GSK3B: variants seen among roughly 807,000 people sequenced by gnomAD.
The protein encoded by GSK3B is glycogen synthase kinase 3 beta.
Under a neutral mutation model 56.4 loss-of-function variants are expected in GSK3B, and 15 were observed. That is an observed-to-expected ratio of 0.27 (90% CI 0.18 to 0.41). GSK3B has a LOEUF of 0.41. Ranked by LOEUF, GSK3B falls within the 10% of genes least tolerant of loss-of-function variation. GSK3B has a pLI of 1.00. For missense variants in GSK3B, 300 were observed against 513.4 expected (o/e 0.58, Z 4.02); for synonymous variants, 181 against 188.9 (o/e 0.96, Z 0.34).
chr3:119,862,291 G>A (rs1359171134), intron 9 of GSK3B, among the ~76,000 whole-genome samples: 2 of 130,288 alleles, frequency 1.5e-5, no homozygotes, highest in African/African-American at 5.8e-5. Flanking sequence ...ACCAAACACC[G>A]CATATTCTCA....
At chr3:120,057,989 A>G (rs1178689878) in intron 1 of GSK3B, among the ~76,000 whole-genome samples, 2 of 151,984 alleles carry the variant, frequency 1.3e-5, no homozygotes, top group African/African-American at 2.4e-5. Context: ...TATCCCAGCT[A>G]TATTTTCTTC....
chr3:119,945,108 G>A (rs1478470074), intron 3 of GSK3B, among the ~76,000 whole-genome samples: 2 of 152,056 alleles, frequency 1.3e-5, no homozygotes, highest in African/African-American at 4.8e-5. Context: ...TCATGAATGG[G>A]GCAAAAAGAA....
intron 3 of GSK3B, among the ~76,000 whole-genome samples, chr3:119,945,350 A>G (rs925826876): frequency 5.3e-5 from 8 of 152,232 alleles, no homozygotes; most frequent in South Asian, 2.1e-4. Context: ...AAGTTCTGAC[A>G]TAAAGAAAAT....
At chr3:119,907,990 C>T (rs764410743) in intron 6 of GSK3B, among the ~76,000 whole-genome samples, 12 of 152,290 alleles carry the variant, frequency 7.9e-5, no homozygotes, top group Admixed American at 4.6e-4. Context: ...ATCAGCTTTA[C>T]CTCTGGCTGT....
intron 9 of GSK3B, among the ~76,000 whole-genome samples, chr3:119,853,098 G>GT (rs1397683248): frequency 2.0e-5 from 3 of 152,150 alleles, no homozygotes; most frequent in Non-Finnish European, 4.4e-5. Context: ...ATTAATTTTT[G>GT]TATCAGGTGT....
At chr3:119,955,854 T>C (rs1213703023) in intron 2 of GSK3B, among the ~76,000 whole-genome samples, 4 of 152,124 alleles carry the variant, frequency 2.6e-5, no homozygotes, top group Non-Finnish European at 4.4e-5. Context: ...GTTTTCACCA[T>C]GTTGGCCAGG....
intron 1 of GSK3B, among the ~76,000 whole-genome samples, chr3:120,009,159 G>A (rs2057756300): frequency 6.6e-6 from 1 of 152,160 alleles, no homozygotes; most frequent in East Asian, 1.9e-4. Context: ...AGTTAGAATA[G>A]CGATCATTAA....
chr3:119,923,502 A>C lies in GSK3B; in HGVS notation c.367-19T>G. ...CATCTTTCTGAAAGAGTTTATTTAA[A>C]AAAACAAAAAACAAAACAGATTAGA... On this transcript the variant is annotated intron_variant, in intron 3 of 10. Coordinates refer to ENST00000264235, the MANE Select transcript of GSK3B (RefSeq NM_001146156.2). 1 of 1,164,244 alleles carries C rather than the reference A, an allele frequency of 8.6e-7. No individual in the cohort carries two copies. The highest frequency in any genetic ancestry group is 1.2e-6 in the Non-Finnish European group (1 of 800,792). 72.1% of individuals were successfully genotyped at this position (1,164,244 alleles called of 1,614,324 possible). A position where few individuals can be genotyped will look rare whatever the true frequency, so the allele number is the denominator to read the frequency against.
chr3:119,999,278 GA>G (rs1252971213), intron 2 of GSK3B, among the ~76,000 whole-genome samples: 1 of 152,184 alleles, frequency 6.6e-6, no homozygotes, highest in Non-Finnish European at 1.5e-5. Context: ...TACTGTGAGA[GA>G]AAGAGAGAAG....
chr3:120,024,965 A>C lies in GSK3B; in HGVS notation c.89-22726T>G, dbSNP rs146666438. Among the ~76,000 whole-genome samples, 54 of 152,344 alleles carry C rather than the reference A, an allele frequency of 3.5e-4. No individual in the cohort carries two copies. In the East Asian group the frequency reaches 0.01, roughly 28 times the overall value. On this transcript the variant is annotated intron_variant, in intron 1 of 10. Coordinates refer to ENST00000264235, the MANE Select transcript of GSK3B (RefSeq NM_001146156.2). ...CTGTTCACATGAAACGTTCAGAATA[A>C]GCAAATCTATAGAAAGAAGATAGAC... is the stretch of plus-strand genomic sequence containing the variant.
At chr3:120,080,755 T>TG (rs1173304841) in intron 1 of GSK3B, among the ~76,000 whole-genome samples, 3 of 151,508 alleles carry the variant, frequency 2.0e-5, no homozygotes, top group Non-Finnish European at 4.4e-5. Context: ...TGCTTGAACC[T>TG]GGGAGGCAGA....
intron 1 of GSK3B, among the ~76,000 whole-genome samples, chr3:120,005,157 AAGC>A (rs2057715684): frequency 6.6e-6 from 1 of 152,102 alleles, no homozygotes; most frequent in Non-Finnish European, 1.5e-5. Flanking sequence ...TGATTCAATC[AAGC>A]AGAAGAAAGG....
chr3:119,876,664 C>T (rs2056318039), intron 7 of GSK3B, among the ~76,000 whole-genome samples, 156 bp from the exon 8 acceptor site: 1 of 152,068 alleles, frequency 6.6e-6, no homozygotes, highest in Non-Finnish European at 1.5e-5. Flanking sequence ...GAATATGTCC[C>T]CCAAAGCTCA....
chr3:119,842,279 C>G (rs1182122837), intron 10 of GSK3B, among the ~76,000 whole-genome samples: 1 of 152,156 alleles, frequency 6.6e-6, no homozygotes, highest in Non-Finnish European at 1.5e-5. Flanking sequence ...TAGCTGGCTT[C>G]AGGCCCTGCA....
intron 3 of GSK3B, among the ~76,000 whole-genome samples, chr3:119,927,412 G>C (rs146269362): frequency 6.6e-6 from 1 of 152,166 alleles, no homozygotes; most frequent in African/African-American, 2.4e-5. Flanking sequence ...AAGGCAATAG[G>C]GACTTTTTTT....
intron 1 of GSK3B, among the ~76,000 whole-genome samples, chr3:120,039,652 GA>G (rs1306737390): frequency 1.3e-5 from 2 of 152,028 alleles, no homozygotes; most frequent in Non-Finnish European, 2.9e-5. Context: ...TTCTTATTTG[GA>G]AAAAATATTC....
At chr3:119,949,996 T>C (rs990823153) in intron 2 of GSK3B, among the ~76,000 whole-genome samples, 4 of 152,096 alleles carry the variant, frequency 2.6e-5, no homozygotes, top group Non-Finnish European at 4.4e-5. Flanking sequence ...GGGAGTCATC[T>C]AGATAAAGAA....
At chr3:119,977,993 G>GT (rs2057423284) in intron 2 of GSK3B, among the ~76,000 whole-genome samples, 1 of 152,124 alleles carries the variant, frequency 6.6e-6, no homozygotes, top group Admixed American at 6.6e-5. Context: ...TGCTGTATTA[G>GT]TACCGTCCCC....
chr3:120,043,837 G>A (rs1164522796), intron 1 of GSK3B, among the ~76,000 whole-genome samples: 2 of 152,156 alleles, frequency 1.3e-5, no homozygotes, highest in African/African-American at 2.4e-5. Context: ...TTTAAAATGC[G>A]TTTTATTAAC....
Sources: allele counts gnomAD v4.1 joint callset (sites outside exome capture counted in the v4.1 genomes callset), GRCh38; gene constraint gnomAD v4.1.1; transcripts MANE v1.5; gene names NCBI Gene and HGNC (gene_info 2026-07-23, HGNC 2026-07-21).